GABPB1: variants seen among roughly 807,000 people sequenced by gnomAD.
GABPB1 encodes the protein GA-binding protein subunit beta-1.
In GABPB1, 15 loss-of-function variants were observed where a neutral mutation model predicts 45.9. The observed-to-expected ratio is 0.33, with a 90% confidence interval of 0.22 to 0.50. The LOEUF (loss-of-function observed/expected upper bound fraction) is 0.50, where lower values mean the gene tolerates loss of function less well. Ranked by LOEUF, GABPB1 falls within the 20% of genes least tolerant of loss-of-function variation. The pLI, the probability that GABPB1 is intolerant of heterozygous loss-of-function variation, is 0.98. For synonymous variants in GABPB1, 143 were observed against 154.4 expected (o/e 0.93, Z 0.55); for missense variants, 252 against 457.5 (o/e 0.55, Z 4.10).
chr15:50,283,070 AC>A (rs755810110), intron 8 of GABPB1, among the ~76,000 whole-genome samples: 3 of 152,192 alleles, frequency 2.0e-5, no homozygotes, highest in Non-Finnish European at 4.4e-5. Context: ...AATAAAATTT[AC>A]TAATAAACAT....
chr15:50,302,909 A>C lies in GABPB1; in HGVS notation c.471+20T>G. On this transcript the variant is annotated intron_variant, in intron 4 of 8. Coordinates refer to ENST00000380877, the MANE Select transcript of GABPB1 (RefSeq NM_016654.5). ...AGGCTTCTTTTTCTTTATTTTCTTA[A>C]ATTAAAAGCCAAAAGTTACCTGTAA... The C allele has an allele frequency of 1.3e-6, 2 of 1,543,104 alleles. No homozygotes were observed. Among genetic ancestry groups the C allele is most frequent in the South Asian group, 2.3e-5 (2 of 85,370 alleles).
chr15:50,276,103 G>C lies in GABPB1; in HGVS notation c.*2529C>G, dbSNP rs541944749. On this transcript the variant is annotated 3_prime_UTR_variant, in exon 9 of 9. Coordinates refer to ENST00000380877, the MANE Select transcript of GABPB1 (RefSeq NM_016654.5). ...ACCCTGGTTGAGAAAGGTTGCTCCA[G>C]GTGTTTGTTCACACATATGTGGAAA... The C allele has an allele frequency of 2.0e-5, 3 of 152,330 alleles. No homozygotes were observed. Among genetic ancestry groups the C allele is most frequent in the East Asian group, 1.9e-4 (1 of 5,190 alleles). 9.4% of individuals were successfully genotyped at this position (152,330 alleles called of 1,614,324 possible).
intron 1 of GABPB1, among the ~76,000 whole-genome samples, chr15:50,316,196 T>C (rs2047320824): frequency 6.6e-6 from 1 of 152,238 alleles, no homozygotes; most frequent in Non-Finnish European, 1.5e-5. Flanking sequence ...TAATAATAAA[T>C]CTATTATACA....
intron 1 of GABPB1, among the ~76,000 whole-genome samples, chr15:50,345,553 C>T (rs1197449781): frequency 6.6e-6 from 1 of 152,054 alleles, no homozygotes; most frequent in Admixed American, 6.6e-5. Flanking sequence ...CAGTGAGACC[C>T]TGTCTTCGAA....
chr15:50,342,733 CAT>C (rs1036012751), intron 1 of GABPB1, among the ~76,000 whole-genome samples: 3 of 152,104 alleles, frequency 2.0e-5, no homozygotes, highest in South Asian at 4.1e-4. Flanking sequence ...CACATAGTAA[CAT>C]ATATAGATAA....
intron 1 of GABPB1, chr15:50,354,403 TCCCGCCGCGACCCGAGCGCCTCTCGGC>T (rs1476397232): frequency 4.4e-6 from 2 of 450,762 alleles, no homozygotes; most frequent in African/African-American, 2.0e-5. Flanking sequence ...GTCCGGCCGA[TCCCGCCGCGACCCGAGCGCCTCTCGGC>T]CCCGCAGCAC....
At chr15:50,295,399 T>A (rs1428533914) in intron 6 of GABPB1, among the ~76,000 whole-genome samples, 1 of 152,176 alleles carries the variant, frequency 6.6e-6, no homozygotes, top group Non-Finnish European at 1.5e-5. Context: ...AAGCTTCACA[T>A]GTCCCTCTTG....
Position 50,315,355 on chromosome 15 carries a change from C to T in GABPB1, c.1-5557G>A, listed in dbSNP as rs372540020. Reference sequence around the variant, plus strand: ...CCATGTTGCCCAGGCTGGTCTTGAACTCCTGTGCTCAAGCAATCTGCCTAC... The same window carrying T: ...CCATGTTGCCCAGGCTGGTCTTGAATTCCTGTGCTCAAGCAATCTGCCTAC... On this transcript the variant is annotated intron_variant, in intron 1 of 8. Coordinates refer to ENST00000380877, the MANE Select transcript of GABPB1 (RefSeq NM_016654.5). 3.9e-4 allele frequency among the ~76,000 whole-genome samples: 60 copies of T among 152,288 alleles called. 2 individuals are homozygous for T. In the East Asian group the frequency reaches 0.011, roughly 27 times the overall value.
At chr15:50,314,893 G>A (rs1241567937) in intron 1 of GABPB1, among the ~76,000 whole-genome samples, 1 of 152,126 alleles carries the variant, frequency 6.6e-6, no homozygotes, top group Non-Finnish European at 1.5e-5. Flanking sequence ...TGCCACTTTG[G>A]CATCTGCATC....
chr15:50,284,789 T>A (rs1228935267), intron 8 of GABPB1, among the ~76,000 whole-genome samples: 1 of 152,132 alleles, frequency 6.6e-6, no homozygotes, highest in East Asian at 1.9e-4. Flanking sequence ...TCATCTGACA[T>A]ATCAGAAAAA....
intron 1 of GABPB1, among the ~76,000 whole-genome samples, chr15:50,342,827 T>C (rs1340603877): frequency 1.3e-5 from 2 of 152,214 alleles, no homozygotes; most frequent in Non-Finnish European, 2.9e-5. Context: ...TAGATAGGTT[T>C]CAAGGTTTAT....
chr15:50,282,280 T>C (rs1453057538), intron 8 of GABPB1: 1 of 454,508 alleles, frequency 2.2e-6, no homozygotes, highest in East Asian at 7.0e-5. Context: ...AGATATGACC[T>C]GGATATGGTG....
At position 50,348,043 on chromosome 15, in the gene GABPB1, G is replaced by GAA. The variant is rs763521486; in HGVS notation, c.-1+6940_-1+6941dup. On this transcript the variant is annotated intron_variant, in intron 1 of 8. Coordinates refer to ENST00000380877, the MANE Select transcript of GABPB1 (RefSeq NM_016654.5). ...GGGTGACAGAGTGAAACTCCATCTG[G>GAA]AAAAAAAAAAAAAGAATCACTACTA... is the stretch of plus-strand genomic sequence containing the variant. Among the ~76,000 whole-genome samples, 48 of 113,720 alleles carry GAA rather than the reference G, an allele frequency of 4.2e-4. 2 individuals are homozygous for GAA. The highest frequency in any genetic ancestry group is 1.9e-3 in the African/African-American group (46 of 24,188). 74.6% of individuals were successfully genotyped at this position (113,720 alleles called of 152,430 possible). A position where few individuals can be genotyped will look rare whatever the true frequency, so the allele number is the denominator to read the frequency against.
At chr15:50,285,557 G>GA (rs2046125024) in intron 8 of GABPB1, among the ~76,000 whole-genome samples, 1 of 152,072 alleles carries the variant, frequency 6.6e-6, no homozygotes, top group Admixed American at 6.5e-5. Flanking sequence ...TGGGAGAGGG[G>GA]AAAAAATGAT....
intron 1 of GABPB1, among the ~76,000 whole-genome samples, chr15:50,322,213 A>G (rs891066404): frequency 2.0e-5 from 3 of 152,146 alleles, no homozygotes; most frequent in African/African-American, 4.8e-5. Flanking sequence ...AGATCAAATC[A>G]GTACACCAAA....
At chr15:50,317,306 G>A (rs962286841) in intron 1 of GABPB1, among the ~76,000 whole-genome samples, 1 of 151,490 alleles carries the variant, frequency 6.6e-6, no homozygotes, top group Non-Finnish European at 1.5e-5. Flanking sequence ...TCCGGAGGCT[G>A]AGGCAGAGAA....
At chr15:50,341,117 A>G (rs75763532) in intron 1 of GABPB1, among the ~76,000 whole-genome samples, 2,966 of 152,042 alleles carry the variant, frequency 0.02, 88 homozygotes, top group African/African-American at 0.069. Flanking sequence ...ATGTTGTCAT[A>G]AAGTCTTAAA....
chr15:50,333,070 T>C (rs990874126), intron 1 of GABPB1, among the ~76,000 whole-genome samples: 5 of 152,136 alleles, frequency 3.3e-5, no homozygotes, highest in African/African-American at 1.2e-4. Context: ...AATAACTTAA[T>C]AACTTATTAA....
chr15:50,294,704 T>C (rs1194827703), intron 6 of GABPB1, among the ~76,000 whole-genome samples: 1 of 152,148 alleles, frequency 6.6e-6, no homozygotes, highest in Non-Finnish European at 1.5e-5. Flanking sequence ...ATTTTTGATA[T>C]AGACCAAAAA....
Sources: allele counts gnomAD v4.1 joint callset (sites outside exome capture counted in the v4.1 genomes callset), GRCh38; gene constraint gnomAD v4.1.1; transcripts MANE v1.5; gene names NCBI Gene and HGNC (gene_info 2026-07-23, HGNC 2026-07-21).